The following SLAIN2 variants were observed in gnomAD, a reference collection of about 807,000 sequenced individuals.
SLAIN2 encodes SLAIN motif-containing protein 2.
Under a neutral mutation model 56.6 loss-of-function variants are expected in SLAIN2, and 31 were observed. That is an observed-to-expected ratio of 0.55 (90% CI 0.41 to 0.74). SLAIN2 has a LOEUF of 0.74. Among genes scored for constraint, SLAIN2 ranks in the 30% least tolerant of loss-of-function variants. The pLI, the probability that SLAIN2 is intolerant of heterozygous loss-of-function variation, is 0.00. For synonymous variants in SLAIN2, 317 were observed against 284.9 expected, an observed-to-expected ratio of 1.11 and a Z score of -1.13; for missense variants, 777 against 754.2, an observed-to-expected ratio of 1.03 and a Z score of -0.35.
chr4:48,356,375 TGTAGCTGAAAAGATCTGTACTA>T (rs1489712035), intron 1 of SLAIN2, among the ~76,000 whole-genome samples: 82 of 152,156 alleles, frequency 5.4e-4, no homozygotes, highest in African/African-American at 1.4e-3. Context: ...TATATGCAGT[TGTAGCTGAAAAGATCTGTACTA>T]GTAGCTGAAA....
intron 1 of SLAIN2, among the ~76,000 whole-genome samples, chr4:48,347,161 T>C (rs1304325629): frequency 1.3e-5 from 2 of 150,796 alleles, no homozygotes; most frequent in African/African-American, 5.0e-5. Flanking sequence ...TAAAAGTATA[T>C]TGCAGTCACT....
chr4:48,356,628 G>T (rs1217395080), intron 1 of SLAIN2, among the ~76,000 whole-genome samples: 1 of 152,194 alleles, frequency 6.6e-6, no homozygotes, highest in Non-Finnish European at 1.5e-5. Flanking sequence ...GATTGATGCA[G>T]TCTAGGTTGG....
intron 1 of SLAIN2, among the ~76,000 whole-genome samples, chr4:48,363,979 C>G (rs1371500782): frequency 3.1e-5 from 4 of 128,468 alleles, no homozygotes; most frequent in Non-Finnish European, 5.3e-5. Context: ...GGGGCTGACC[C>G]CCCCCACCTC....
rs778137786 is a variant in SLAIN2, at chr4:48,359,598, T to C, written c.390-10251T>C. On this transcript the variant is annotated intron_variant, in intron 1 of 7. Coordinates refer to ENST00000264313, the MANE Select transcript of SLAIN2 (RefSeq NM_020846.2). ...TGAAGAAAAGTCTGGAGAGACATAC[T>C]CCAAATTGTAAATAATTTTGGAGTG... is the stretch of plus-strand genomic sequence containing the variant. 5.7e-4 allele frequency among the ~76,000 whole-genome samples: 87 copies of C among 152,308 alleles called. No homozygotes were observed. In the Middle Eastern group the frequency reaches 0.024, roughly 42 times the overall value.
intron 6 of SLAIN2, among the ~76,000 whole-genome samples, chr4:48,389,590 G>A (rs1169719430): frequency 1.3e-5 from 2 of 152,206 alleles, no homozygotes; most frequent in Non-Finnish European, 2.9e-5. Flanking sequence ...AGTGTGAAGG[G>A]ATTTTCAGGA....
chr4:48,347,711 A>G (rs560708132), intron 1 of SLAIN2, among the ~76,000 whole-genome samples: 52 of 152,328 alleles, frequency 3.4e-4, no homozygotes, highest in African/African-American at 1.2e-3. Flanking sequence ...GCCACCATCC[A>G]TCTCTAGACC....
At chr4:48,394,662 A>G (rs1716332060) in intron 6 of SLAIN2, 1 of 1,534,574 alleles carries the variant, frequency 6.5e-7, no homozygotes, top group Admixed American at 2.0e-5. Context: ...AGGTAACTAC[A>G]GCCTCTTACT....
chr4:48,341,641 G>C lies in SLAIN2; in HGVS notation c.-99G>C, dbSNP rs776274557. 9 of 1,464,980 alleles carry C rather than the reference G, an allele frequency of 6.1e-6. No individual in the cohort carries two copies. The highest frequency in any genetic ancestry group is 8.1e-6 in the Non-Finnish European group (9 of 1,108,350). The allele number at this position is 1,464,980 out of a possible 1,614,324, so 90.7% of individuals were successfully genotyped here. On this transcript the variant is annotated 5_prime_UTR_variant, in exon 1 of 8. Coordinates refer to ENST00000264313, the MANE Select transcript of SLAIN2 (RefSeq NM_020846.2). ...TGGTCCTGCTATATGCCGGCGCCTC[G>C]GCTAGAGTGAGCGGCGGCGACGCCT...
At chr4:48,359,118 T>G (rs189442003) in intron 1 of SLAIN2, among the ~76,000 whole-genome samples, 1 of 152,230 alleles carries the variant, frequency 6.6e-6, no homozygotes, top group African/African-American at 2.4e-5. Context: ...TTTAATTTAC[T>G]TTGGTATCCT....
chr4:48,384,914 A>G lies in SLAIN2; in HGVS notation c.1360+1130A>G, dbSNP rs73814737. Among the ~76,000 whole-genome samples the G allele has an allele frequency of 9.6e-3, 1,467 of 152,318 alleles. 20 individuals are homozygous for G. The highest frequency in any genetic ancestry group is 0.034 in the African/African-American group (1,394 of 41,568). On this transcript the variant is annotated intron_variant, in intron 6 of 7. Transcript: ENST00000264313. ...GAAAACCCAAGCAACTTTCTTAGAA[A>G]GCATTAATAAAAACAATAATGATAC...
chr4:48,407,713 C>T (rs1716737265), intron 6 of SLAIN2, among the ~76,000 whole-genome samples: 1 of 152,146 alleles, frequency 6.6e-6, no homozygotes, highest in Admixed American at 6.5e-5. Flanking sequence ...ACTCCACTTT[C>T]AAAATTACCC....
chr4:48,402,780 A>G (rs1716589254), intron 6 of SLAIN2, among the ~76,000 whole-genome samples: 1 of 152,172 alleles, frequency 6.6e-6, no homozygotes, highest in Non-Finnish European at 1.5e-5. Context: ...AGATGTGGTC[A>G]TTTGGAGGAG....
intron 4 of SLAIN2, among the ~76,000 whole-genome samples, chr4:48,380,304 T>TA (rs1715936196): frequency 6.6e-6 from 1 of 152,140 alleles, no homozygotes; most frequent in African/African-American, 2.4e-5. Flanking sequence ...ATACTCTATA[T>TA]ATGTTTAAGT....
At chr4:48,391,631 G>A (rs1001899014) in intron 6 of SLAIN2, among the ~76,000 whole-genome samples, 3 of 152,126 alleles carry the variant, frequency 2.0e-5, no homozygotes, top group Non-Finnish European at 4.4e-5. Context: ...CCCTTCCCTT[G>A]ATGTACATGA....
intron 2 of SLAIN2, 24 bp from the exon 3 acceptor site, chr4:48,377,872 A>G: frequency 6.3e-7 from 1 of 1,593,624 alleles, no homozygotes; most frequent in South Asian, 1.2e-5. Context: ...GTTAAATTTG[A>G]TTTTCCCCTT....
At position 48,379,594 on chromosome 4, in the gene SLAIN2, TAAATC is replaced by T. The variant is rs749942401; in HGVS notation, c.704-92_704-88del. ...CAGAAAAGGCAGAACAAGAATGAATTAAATCAAAGGGTATAATATCAAGTTAGTTG... is the reference window on the plus strand; with the variant it reads ...CAGAAAAGGCAGAACAAGAATGAATTAAAGGGTATAATATCAAGTTAGTTG... On this transcript the variant is annotated intron_variant, in intron 3 of 7. Coordinates refer to ENST00000264313, the MANE Select transcript of SLAIN2 (RefSeq NM_020846.2). 337 of 1,030,820 alleles carry T rather than the reference TAAATC, an allele frequency of 3.3e-4. 1 individual carries two copies. Among genetic ancestry groups the T allele is most frequent in the Non-Finnish European group, 2.8e-4 (218 of 787,976 alleles). 63.9% of individuals were successfully genotyped at this position (1,030,820 alleles called of 1,614,324 possible).
At chr4:48,405,703 T>C (rs1716675851) in intron 6 of SLAIN2, among the ~76,000 whole-genome samples, 1 of 152,166 alleles carries the variant, frequency 6.6e-6, no homozygotes, top group South Asian at 2.1e-4. Context: ...CATTGATGTG[T>C]AATGCCTAGA....
intron 1 of SLAIN2, among the ~76,000 whole-genome samples, chr4:48,359,222 T>C (rs1271090272): frequency 1.3e-5 from 2 of 152,198 alleles, no homozygotes; most frequent in East Asian, 1.9e-4. Context: ...GGATTCTGCA[T>C]TGAACGTTGT....
intron 1 of SLAIN2, among the ~76,000 whole-genome samples, chr4:48,342,711 CTTTTTTTTTTT>C (rs761272695): frequency 3.0e-5 from 2 of 65,946 alleles, no homozygotes; most frequent in East Asian, 5.7e-4. Flanking sequence ...GATGGTGCTG[CTTTTTTTTTTT>C]TTTTTTTTTT....
Sources: allele counts gnomAD v4.1 joint callset (sites outside exome capture counted in the v4.1 genomes callset), GRCh38; gene constraint gnomAD v4.1.1; transcripts MANE v1.5; gene names NCBI Gene and HGNC (gene_info 2026-07-23, HGNC 2026-07-21).